The following SYN3 variants were observed in gnomAD, a reference collection of about 807,000 sequenced individuals.
The protein encoded by SYN3 is synapsin III, also known as synapsin-3.
A neutral mutation model predicts 65.8 loss-of-function variants in SYN3; 35 were observed. The observed-to-expected ratio is 0.53, with a 90% CI of 0.41 to 0.70. The LOEUF is 0.70. Ranked by LOEUF, SYN3 falls within the 30% of genes least tolerant of loss-of-function variation. The probability of loss-of-function intolerance (pLI) is 0.00; values close to 1 mark genes in which losing one functional copy is unlikely to be tolerated. For synonymous variants in SYN3, 270 were observed against 292.9 expected (o/e 0.92, Z 0.80); for missense variants, 680 against 749.0 (o/e 0.91, Z 1.08).
At chr22:32,802,326 A>G (rs1317775946) in intron 6 of SYN3, among the ~76,000 whole-genome samples, 1 of 152,144 alleles carries the variant, frequency 6.6e-6, no homozygotes, top group East Asian at 1.9e-4. Flanking sequence ...GGAAACTCAC[A>G]GTGGCTGAGG....
At chr22:33,049,780 A>C (rs1601964271) in intron 1 of SYN3, among the ~76,000 whole-genome samples, 1 of 152,134 alleles carries the variant, frequency 6.6e-6, no homozygotes, top group Non-Finnish European at 1.5e-5. Flanking sequence ...CAGCCCATCC[A>C]TTGGGAAGGA....
intron 4 of SYN3, among the ~76,000 whole-genome samples, chr22:32,875,181 G>C (rs1298658895): frequency 6.6e-6 from 1 of 152,230 alleles, no homozygotes; most frequent in Admixed American, 6.5e-5. Flanking sequence ...ACAGGATGCA[G>C]GAGGGAGGCC....
chr22:32,924,246 C>T (rs1317965009), intron 4 of SYN3, among the ~76,000 whole-genome samples: 1 of 152,176 alleles, frequency 6.6e-6, no homozygotes, highest in Non-Finnish European at 1.5e-5. Flanking sequence ...GAAGATTCTA[C>T]TGATTCCCCC....
intron 1 of SYN3, among the ~76,000 whole-genome samples, chr22:33,008,943 A>T (rs1412642027): frequency 1.2e-5 from 1 of 84,424 alleles, no homozygotes; most frequent in Non-Finnish European, 2.5e-5. Flanking sequence ...AAAAAAAAAA[A>T]AAAAAAAAAA....
In SYN3 at chr22:33,028,643, A is replaced by ATGGTGGTGGTGGTGG. The variant is rs133971; in HGVS notation, c.-162-21834_-162-21820dup. ...ACTAGGAAGTATAATAAGAACCATG[A>ATGGTGGTGGTGGTGG]TGGTGGTGGTGGTGGTGGTGGTGGT... On this transcript the variant is annotated intron_variant, in intron 1 of 13. Transcript: ENST00000358763. 8.6e-4 allele frequency among the ~76,000 whole-genome samples: 80 copies of ATGGTGGTGGTGGTGG among 93,136 alleles called. 2 individuals carry two copies. Among genetic ancestry groups the ATGGTGGTGGTGGTGG allele is most frequent in the Admixed American group, 2.9e-3 (21 of 7,272 alleles). The allele number at this position is 93,136 out of a possible 152,430, so 61.1% of individuals were successfully genotyped here. A position where few individuals can be genotyped will look rare whatever the true frequency, so the allele number is the denominator to read the frequency against.
intron 6 of SYN3, among the ~76,000 whole-genome samples, chr22:32,732,631 G>A (rs943969113): frequency 3.9e-5 from 6 of 152,208 alleles, no homozygotes; most frequent in Non-Finnish European, 8.8e-5. Flanking sequence ...CATCTGTAAA[G>A]TGAGGATTAA....
At chr22:32,838,054 C>T (rs1601503691) in intron 6 of SYN3, among the ~76,000 whole-genome samples, 1 of 152,224 alleles carries the variant, frequency 6.6e-6, no homozygotes, top group African/African-American at 2.4e-5. Context: ...CTGCATGCTC[C>T]TGTGGCTCCC....
At chr22:32,713,260 A>G (rs1427889844) in intron 6 of SYN3, among the ~76,000 whole-genome samples, 1 of 152,248 alleles carries the variant, frequency 6.6e-6, no homozygotes, top group Non-Finnish European at 1.5e-5. Flanking sequence ...AGTCATCCTC[A>G]GGGGTACACC....
At chr22:32,700,260 T>G (rs1386915689) in intron 6 of SYN3, among the ~76,000 whole-genome samples, 1 of 152,192 alleles carries the variant, frequency 6.6e-6, no homozygotes, top group Non-Finnish European at 1.5e-5. Flanking sequence ...AGGCTTAAAG[T>G]ATCCCTTGGG....
chr22:32,580,514 T>C (rs950633710), intron 7 of SYN3, among the ~76,000 whole-genome samples: 1 of 152,184 alleles, frequency 6.6e-6, no homozygotes, highest in Non-Finnish European at 1.5e-5. Context: ...TGTGTATGTA[T>C]AGGAAAACCC....
chr22:32,573,064 C>A (rs1375076541), intron 7 of SYN3, among the ~76,000 whole-genome samples: 2 of 152,166 alleles, frequency 1.3e-5, no homozygotes, highest in Non-Finnish European at 2.9e-5. Context: ...AGGTTGAAAT[C>A]ATTTGTGGTG....
At chr22:32,725,197 C>T (rs1402995193) in intron 6 of SYN3, among the ~76,000 whole-genome samples, 1 of 152,108 alleles carries the variant, frequency 6.6e-6, no homozygotes, top group Non-Finnish European at 1.5e-5. Context: ...AGAACCCATG[C>T]CCAAGGGTTT....
rs149911370 is a variant in SYN3, at chr22:32,935,968, T to C, written c.370-4487A>G. Among the ~76,000 whole-genome samples the C allele has an allele frequency of 4.9e-3, 739 of 152,342 alleles. 19 individuals carry two copies. The South Asian group carries it at 0.082, about 17-fold the overall frequency. On this transcript the variant is annotated intron_variant, in intron 3 of 13. Coordinates refer to ENST00000358763, the MANE Select transcript of SYN3 (RefSeq NM_003490.4). Reference sequence around the variant, plus strand: ...TTTTGTGATGATTCAAGACAATGTATATGAAACATCCAGCACAGGGCTGAG... The same window carrying C: ...TTTTGTGATGATTCAAGACAATGTACATGAAACATCCAGCACAGGGCTGAG...
At chr22:32,594,928 C>T (rs1177505183) in intron 7 of SYN3, among the ~76,000 whole-genome samples, 4 of 152,188 alleles carry the variant, frequency 2.6e-5, no homozygotes, top group Non-Finnish European at 4.4e-5. Context: ...GTCTACTTGG[C>T]CTCACATTGT....
At chr22:32,918,151 T>C (rs924135075) in intron 4 of SYN3, among the ~76,000 whole-genome samples, 7 of 152,260 alleles carry the variant, frequency 4.6e-5, no homozygotes, top group African/African-American at 1.7e-4. Context: ...TTCTTATTCA[T>C]GCAAAGAGTC....
At chr22:32,848,358 AAG>A (rs1376442210) in intron 6 of SYN3, among the ~76,000 whole-genome samples, 3 of 152,222 alleles carry the variant, frequency 2.0e-5, no homozygotes, top group Non-Finnish European at 4.4e-5. Context: ...CCCTGATGTA[AAG>A]AGAGTTATAC....
At chr22:32,807,362 A>ATTATATATAATATATATTATATATAATAT (rs1569239675) in intron 6 of SYN3, among the ~76,000 whole-genome samples, 9 of 4,976 alleles carry the variant, frequency 1.8e-3, no homozygotes, top group African/African-American at 4.1e-3. Flanking sequence ...TATAATATAT[A>ATTATATATAATATATATTATATATAATAT]ATATATATTA....
intron 4 of SYN3, among the ~76,000 whole-genome samples, chr22:32,911,187 T>A (rs2050041967): frequency 6.6e-6 from 1 of 152,168 alleles, no homozygotes; most frequent in Non-Finnish European, 1.5e-5. Context: ...CTTTGCAAAT[T>A]CAGATCCCAC....
intron 3 of SYN3, among the ~76,000 whole-genome samples, chr22:32,977,005 T>G (rs866180422): frequency 2.8e-3 from 401 of 144,680 alleles, no homozygotes; most frequent in African/African-American, 0.01. Flanking sequence ...GGGGGGGGGG[T>G]TGCTTGTGTG....
Sources: gnomAD v4.1 joint callset for allele counts (sites outside exome capture counted in the v4.1 genomes callset) on GRCh38, gnomAD v4.1.1 for gene constraint, MANE v1.5 for transcripts, NCBI Gene and HGNC (gene_info 2026-07-23, HGNC 2026-07-21) for gene names.